The following ITIH5 variants were observed in gnomAD, a reference collection of about 807,000 sequenced individuals.
ITIH5 encodes the protein inter-alpha-trypsin inhibitor heavy chain H5.
Under a neutral mutation model 77.5 loss-of-function variants are expected in ITIH5, and 65 were observed. The observed-to-expected ratio is 0.84, with a 90% CI of 0.69 to 1.03. ITIH5 has a LOEUF of 1.03. ITIH5 is among the 50% of genes least tolerant of loss of function. ITIH5 has a pLI of 0.00. For synonymous variants in ITIH5, 525 were observed against 494.3 expected (o/e 1.06, Z -0.82); for missense variants, 1,208 against 1,213.1 (o/e 1.00, Z 0.06).
intron 11 of ITIH5, chr10:7,570,366 A>AG (rs1832272607): frequency 6.6e-6 from 1 of 152,368 alleles, no homozygotes; most frequent in Non-Finnish European, 1.5e-5. Flanking sequence ...GTAGGCGGCC[A>AG]GGCGCACAGT....
Position 7,626,409 on chromosome 10 carries a change from A to G in ITIH5, c.653-9127T>C, listed in dbSNP as rs148812422. 5.9e-5 allele frequency among the ~76,000 whole-genome samples: 9 copies of G among 152,326 alleles called. No individual in the cohort carries two copies. The East Asian group carries it at 1.7e-3, about 29-fold the overall frequency. ...ATATTGGATTAAAAATCAAAACACA[A>G]CCAACTATGGGGCCAAATGATTCAT... On this transcript the variant is annotated intron_variant, in intron 5 of 13. Coordinates refer to ENST00000397146, the MANE Select transcript of ITIH5 (RefSeq NM_030569.7).
In ITIH5 at chr10:7,648,436, A is replaced by C. The variant is rs181741381; in HGVS notation, c.136-6346T>G. The stretch of plus-strand genomic sequence containing the variant: ...ATTGTACACATTGAAGATAGAGGAC[A>C]TTAAACTGAATGTATTCTCTGAACT... On this transcript the variant is annotated intron_variant, in intron 2 of 13. Coordinates refer to ENST00000397146, the MANE Select transcript of ITIH5 (RefSeq NM_030569.7). Among the ~76,000 whole-genome samples, 231 of 152,388 alleles carry C rather than the reference A, an allele frequency of 1.5e-3. 3 individuals are homozygous for C. Among genetic ancestry groups the C allele is most frequent in the African/African-American group, 5.0e-3 (210 of 41,598 alleles).
chr10:7,665,586 C>T (rs577166304), intron 1 of ITIH5, among the ~76,000 whole-genome samples: 106 of 152,354 alleles, frequency 7.0e-4, no homozygotes, highest in African/African-American at 2.2e-3. Context: ...CCCATGCCTT[C>T]AGCCATCTAC....
chr10:7,633,543 G>A (rs542983577), intron 5 of ITIH5, among the ~76,000 whole-genome samples: 1 of 152,086 alleles, frequency 6.6e-6, no homozygotes, highest in South Asian at 2.1e-4. Flanking sequence ...GGTATAACTT[G>A]GAATAAAATA....
At chr10:7,609,040 G>A (rs1475540109) in intron 7 of ITIH5, among the ~76,000 whole-genome samples, 1 of 152,204 alleles carries the variant, frequency 6.6e-6, no homozygotes, top group Non-Finnish European at 1.5e-5. Flanking sequence ...TGACGTTACA[G>A]AGAAGTGGTT....
intron 7 of ITIH5, among the ~76,000 whole-genome samples, chr10:7,611,752 T>C (rs1833248947): frequency 6.6e-6 from 1 of 152,146 alleles, no homozygotes; most frequent in Non-Finnish European, 1.5e-5. Flanking sequence ...TCTAGTGTTT[T>C]GTTTACTTTT....
chr10:7,603,325 T>C (rs1357992733), intron 7 of ITIH5, among the ~76,000 whole-genome samples: 1 of 152,116 alleles, frequency 6.6e-6, no homozygotes, highest in Non-Finnish European at 1.5e-5. Context: ...ACTCCATTTA[T>C]ACGAAATGTC....
rs757699951 is a variant in ITIH5, at chr10:7,582,066, C to CG, written c.1109-2003dup. ...AATTTTTGTACTTTTTTAGTAGAGACGGGTTTCACCATGTTGGCCAGGCTG... is the reference window on the plus strand; with the variant it reads ...AATTTTTGTACTTTTTTAGTAGAGACGGGGTTTCACCATGTTGGCCAGGCTG... On this transcript the variant is annotated intron_variant, in intron 8 of 13. Transcript: ENST00000397146. 3.1e-3 allele frequency among the ~76,000 whole-genome samples: 475 copies of CG among 151,240 alleles called. 1 individual carries two copies. Among genetic ancestry groups the CG allele is most frequent in the South Asian group, 8.4e-3 (40 of 4,790 alleles).
chr10:7,609,417 C>T (rs1258686226), intron 7 of ITIH5: 1 of 455,604 alleles, frequency 2.2e-6, no homozygotes, highest in South Asian at 1.6e-5. Context: ...ACAAATTACT[C>T]ACCTGTAAGG....
chr10:7,597,270 T>C (rs866254356), intron 7 of ITIH5, among the ~76,000 whole-genome samples: 11 of 152,042 alleles, frequency 7.2e-5, no homozygotes, highest in African/African-American at 2.7e-4. Context: ...GGGGCAGGTG[T>C]CTGTACTGTC....
chr10:7,574,121 T>G (rs1832360467), intron 10 of ITIH5, among the ~76,000 whole-genome samples: 1 of 152,218 alleles, frequency 6.6e-6, no homozygotes, highest in South Asian at 2.1e-4. Flanking sequence ...TTTGAAACAC[T>G]TTGTATTTCA....
chr10:7,629,189 A>ATGTGTCCCTGTTGTAGCG (rs1564269497), intron 5 of ITIH5, among the ~76,000 whole-genome samples: 2 of 110,044 alleles, frequency 1.8e-5, no homozygotes, highest in Admixed American at 9.2e-5. Flanking sequence ...GTGTTTTCAC[A>ATGTGTCCCTGTTGTAGCG]TGTGTCCCTG....
chr10:7,615,510 C>T lies in ITIH5; in HGVS notation c.939+472G>A, dbSNP rs369062757. ...GAATCTAATTTTTCGACATAAACTA[C>T]GTGACCCCTGAATGTCTCCCCACCA... On this transcript the variant is annotated intron_variant, in intron 7 of 13. Coordinates refer to ENST00000397146, the MANE Select transcript of ITIH5 (RefSeq NM_030569.7). Among the ~76,000 whole-genome samples, 62 of 152,270 alleles carry T rather than the reference C, an allele frequency of 4.1e-4. No individual in the cohort carries two copies. The South Asian group carries it at 0.012, about 30-fold the overall frequency.
At chr10:7,658,702 T>A (rs1176363014) in intron 1 of ITIH5, among the ~76,000 whole-genome samples, 1 of 152,192 alleles carries the variant, frequency 6.6e-6, no homozygotes, top group Admixed American at 6.5e-5. Flanking sequence ...ATGTAAAAGT[T>A]TTCTGATTGG....
intron 7 of ITIH5, among the ~76,000 whole-genome samples, chr10:7,602,454 GT>G (rs1224446355): frequency 6.6e-6 from 1 of 152,148 alleles, no homozygotes; most frequent in Non-Finnish European, 1.5e-5. Context: ...CATGGAGGCG[GT>G]TTCCCCCAGG....
chr10:7,590,147 A>G (rs867171753), intron 7 of ITIH5, among the ~76,000 whole-genome samples: 4 of 151,788 alleles, frequency 2.6e-5, no homozygotes, highest in Admixed American at 2.0e-4. Context: ...CTCGGTGGAG[A>G]ATGGAACCTT....
At chr10:7,582,847 A>G (rs1588373006) in intron 8 of ITIH5, among the ~76,000 whole-genome samples, 1 of 152,090 alleles carries the variant, frequency 6.6e-6, no homozygotes, top group African/African-American at 2.4e-5. Flanking sequence ...TGGGCAGGGT[A>G]GTGGGGGGTG....
intron 5 of ITIH5, among the ~76,000 whole-genome samples, chr10:7,625,200 A>G (rs1416779109): frequency 6.6e-6 from 1 of 152,132 alleles, no homozygotes; most frequent in Non-Finnish European, 1.5e-5. Context: ...CATGTGGTAC[A>G]ACATGGATAA....
chr10:7,583,093 T>C (rs188878248), intron 8 of ITIH5, among the ~76,000 whole-genome samples: 26 of 152,320 alleles, frequency 1.7e-4, no homozygotes, highest in Admixed American at 5.9e-4. Context: ...ATACCTCATA[T>C]ACCCCATAAA....
Sources: gnomAD v4.1 joint callset for allele counts (sites outside exome capture counted in the v4.1 genomes callset) on GRCh38, gnomAD v4.1.1 for gene constraint, MANE v1.5 for transcripts, NCBI Gene and HGNC (gene_info 2026-07-23, HGNC 2026-07-21) for gene names.